The following NUP98 variants were observed in gnomAD, a reference collection of about 807,000 sequenced individuals.
NUP98 encodes nucleoporin 98 and 96 precursor.
In NUP98, 26 loss-of-function variants were observed where a neutral mutation model predicts 191.9. The ratio of observed to expected loss-of-function variants is 0.14; its 90% confidence interval spans 0.10 to 0.19. The LOEUF is 0.19. Among genes scored for constraint, NUP98 ranks in the 10% least tolerant of loss-of-function variants. NUP98 has a pLI of 1.00. For missense variants in NUP98, 1,941 were observed against 2,178.8 expected, an observed-to-expected ratio of 0.89 and a Z score of 2.17; for synonymous variants, 808 against 778.4, an observed-to-expected ratio of 1.04 and a Z score of -0.63.
At chr11:3,721,957 T>C (rs1170641872) in intron 16 of NUP98, among the ~76,000 whole-genome samples, 1 of 152,116 alleles carries the variant, frequency 6.6e-6, no homozygotes, top group Admixed American at 6.6e-5. Flanking sequence ...GTATACTTGC[T>C]TCTTGGGAAG....
chr11:3,694,485 A>G (rs556916519), intron 26 of NUP98, among the ~76,000 whole-genome samples: 11 of 151,984 alleles, frequency 7.2e-5, no homozygotes, highest in South Asian at 2.1e-4. Flanking sequence ...TCACGCTTGT[A>G]ATCCCAGCAC....
At chr11:3,797,223 C>T (rs969268708) in intron 1 of NUP98, among the ~76,000 whole-genome samples, 177 bp downstream of exon 1, 1 of 152,238 alleles carries the variant, frequency 6.6e-6, no homozygotes, top group African/African-American at 2.4e-5. Context: ...AAAGCCGGGC[C>T]TCCCGGGCTC....
chr11:3,683,024 C>A (rs1405648084), intron 30 of NUP98, among the ~76,000 whole-genome samples, 176 bp downstream of exon 30: 1 of 152,160 alleles, frequency 6.6e-6, no homozygotes, highest in African/African-American at 2.4e-5. Flanking sequence ...TACCCCTGCT[C>A]CTCTAGCGCC....
intron 27 of NUP98, among the ~76,000 whole-genome samples, chr11:3,691,849 C>T (rs935601302): frequency 3.9e-5 from 6 of 152,040 alleles, no homozygotes; most frequent in Non-Finnish European, 7.4e-5. Flanking sequence ...TGACCGCACC[C>T]GGCCTAGATG....
intron 1 of NUP98, among the ~76,000 whole-genome samples, chr11:3,786,489 A>G (rs2082144771): frequency 6.6e-6 from 1 of 152,348 alleles, no homozygotes; most frequent in South Asian, 2.1e-4. Context: ...ATATTTAAAA[A>G]GAAAAATGAA....
intron 20 of NUP98, among the ~76,000 whole-genome samples, chr11:3,710,612 T>C (rs2079001564): frequency 6.6e-6 from 1 of 152,182 alleles, no homozygotes; most frequent in African/African-American, 2.4e-5. Flanking sequence ...TATGCAGTCA[T>C]CTTGACACAG....
rs2081856139 is a variant in NUP98, at chr11:3,779,036, T to C, written c.192A>G (p.Gly64=). 1 of 1,614,056 alleles carries C rather than the reference T, an allele frequency of 6.2e-7. No homozygotes were observed. Among genetic ancestry groups the C allele is most frequent in the Admixed American group, 1.7e-5 (1 of 59,988 alleles). The change falls in exon 4 of 33, where the codon GGA becomes GGG. Residue 64 remains glycine (G), a synonymous_variant. Transcript: ENST00000324932. ...TAGCTGGCTGGCTAAATGAACTGGTTCCAAACAATCCTCCTGAGGAGATGG... is the reference window on the plus strand; with the variant it reads ...TAGCTGGCTGGCTAAATGAACTGGTCCCAAACAATCCTCCTGAGGAGATGG... ...NSQTKPGGLF[G]TSSFSQPATS...
chr11:3,682,917 TTGC>T (rs2078023154), intron 30 of NUP98, among the ~76,000 whole-genome samples: 1 of 152,198 alleles, frequency 6.6e-6, no homozygotes, highest in Admixed American at 6.6e-5. Flanking sequence ...ATTTCTGGTG[TTGC>T]TGGAGAAAAT....
chr11:3,779,856 G>A (rs751903545), intron 2 of NUP98, among the ~76,000 whole-genome samples: 4 of 152,004 alleles, frequency 2.6e-5, no homozygotes, highest in African/African-American at 7.2e-5. Flanking sequence ...GGCCGGGCAC[G>A]GTGGCTCACA....
At chr11:3,723,602 G>C in intron 15 of NUP98, 147 bp from the exon 16 acceptor site, 1 of 630,492 alleles carries the variant, frequency 1.6e-6, no homozygotes, top group Non-Finnish European at 2.7e-6. Flanking sequence ...TACTACAGCA[G>C]TACTGTGAAA....
Position 3,748,635 on chromosome 11 carries a change from T to A in NUP98, c.1268-3986A>T, listed in dbSNP as rs140315089. ...GCCTGGCCAACATGGTGAAACCCCA[T>A]CTCTATTAAAATTACAAAAATTATT... On this transcript the variant is annotated intron_variant, in intron 11 of 32. Coordinates refer to ENST00000324932, the MANE Select transcript of NUP98 (RefSeq NM_016320.5). Among the ~76,000 whole-genome samples the A allele has an allele frequency of 2.2e-3, 339 of 152,264 alleles. 3 individuals are homozygous for A. Among genetic ancestry groups the A allele is most frequent in the African/African-American group, 7.7e-3 (319 of 41,548 alleles).
chr11:3,711,583 A>C (rs570516857), intron 20 of NUP98: 2 of 154,820 alleles, frequency 1.3e-5, no homozygotes, highest in East Asian at 3.3e-4. Flanking sequence ...ATTTATAATA[A>C]ATATATATAT....
At chr11:3,769,610 A>G (rs192912006) in intron 7 of NUP98, among the ~76,000 whole-genome samples, 1 of 151,166 alleles carries the variant, frequency 6.6e-6, no homozygotes, top group East Asian at 1.9e-4. Flanking sequence ...ATACTAAACT[A>G]AATCATGGAA....
intron 6 of NUP98, among the ~76,000 whole-genome samples, chr11:3,772,193 T>C (rs2081553031): frequency 6.6e-6 from 1 of 152,080 alleles, no homozygotes; most frequent in African/African-American, 2.4e-5. Flanking sequence ...TACACTCTTT[T>C]GGTAAAATGT....
chr11:3,753,466 A>T, intron 10 of NUP98, 58 bp from the exon 11 acceptor site: 1 of 1,358,974 alleles, frequency 7.4e-7, no homozygotes, highest in Non-Finnish European at 1.0e-6. Flanking sequence ...AATTTCCTCT[A>T]TAAGGGAGTT....
At chr11:3,686,368 T>C (rs1019909672) in intron 28 of NUP98, among the ~76,000 whole-genome samples, 174 bp from the exon 29 acceptor site, 3 of 152,238 alleles carry the variant, frequency 2.0e-5, no homozygotes, top group Non-Finnish European at 2.9e-5. Flanking sequence ...TCAGCCAGAC[T>C]TTAGATCCTA....
chr11:3,746,246 G>T (rs1192755431), intron 11 of NUP98, among the ~76,000 whole-genome samples: 2 of 88,358 alleles, frequency 2.3e-5, no homozygotes, highest in Non-Finnish European at 4.1e-5. Context: ...TCCAGCCTGG[G>T]CAACAAGAGC....
Position 3,676,645 on chromosome 11 carries a change from T to G in NUP98, c.5074-25A>C, listed in dbSNP as rs374658484. On this transcript the variant is annotated intron_variant, in intron 31 of 32. Transcript: ENST00000324932. Reference sequence around the variant, plus strand: ...CCTACAAAGAAGCAGAGAAGCCAATTAATCCAAGGGGAGTTCCTATCACTC... The same window carrying G: ...CCTACAAAGAAGCAGAGAAGCCAATGAATCCAAGGGGAGTTCCTATCACTC... The G allele has an allele frequency of 3.2e-6, 5 of 1,555,234 alleles. No homozygotes were observed. In the African/African-American group the frequency reaches 6.8e-5, roughly 21 times the overall value.
Position 3,702,784 on chromosome 11 carries a change from G to T in NUP98, c.3191C>A (p.Ser1064Tyr). Residue 1064 changes from serine (S) to tyrosine (Y), a missense_variant, in exon 23 of 33, where the codon TCC becomes TAC. By Grantham distance (144) the Ser-to-Tyr change is moderately radical. This residue lies in a region of NUP98 where 1,030 missense variants were observed against 1,115.8 expected (regional missense o/e 0.92). Transcript: ENST00000324932. Reference protein sequence around the residue: ...PRAASLMNIPSTSSWSVPPPL... With the variant: ...PRAASLMNIPYTSSWSVPPPL... Reference sequence around the variant, plus strand: ...TGGAGGGACAGACCAAGAGGATGTGGATGGGATATTCATTAAAGATGCTGC... The same window carrying T: ...TGGAGGGACAGACCAAGAGGATGTGTATGGGATATTCATTAAAGATGCTGC... 6.2e-7 allele frequency: 1 copy of T among 1,614,170 alleles called. No homozygotes were observed. The highest frequency in any genetic ancestry group is 1.1e-5 in the South Asian group (1 of 91,084).
Sources: gnomAD v4.1 joint callset for allele counts (sites outside exome capture counted in the v4.1 genomes callset) on GRCh38, gnomAD v4.1.1 for gene constraint, gnomAD v4.1.1 regional missense constraint, MANE v1.5 for transcripts, NCBI Gene and HGNC (gene_info 2026-07-23, HGNC 2026-07-21) for gene names.